Variants in ERAP2 observed in about 807,000 individuals in gnomAD.
ERAP2 encodes leukocyte-derived arginine aminopeptidase.
A neutral mutation model predicts 111.1 loss-of-function variants in ERAP2; 118 were observed. The observed-to-expected ratio is 1.06, with a 90% CI of 0.92 to 1.24. The LOEUF (loss-of-function observed/expected upper bound fraction) is 1.24, where lower values mean the gene tolerates loss of function less well. Ranked by LOEUF, ERAP2 falls within the 50% of genes most tolerant of loss-of-function variation. ERAP2 has a pLI of 0.00. For missense variants in ERAP2, 1,131 were observed against 1,125.8 expected, an observed-to-expected ratio of 1.00 and a Z score of -0.07; for synonymous variants, 410 against 401.2, an observed-to-expected ratio of 1.02 and a Z score of -0.26.
At chr5:96,915,030 G>A (rs747766026) in intron 17 of ERAP2, among the ~76,000 whole-genome samples, 58 of 150,482 alleles carry the variant, frequency 3.9e-4, no homozygotes, top group Middle Eastern at 3.5e-3. Flanking sequence ...TTTTTGAGAC[G>A]GAGTTTCATT....
Position 96,893,723 on chromosome 5 carries a change from T to C in ERAP2, c.1125+1270T>C, listed in dbSNP as rs59636548. 4.0e-3 allele frequency among the ~76,000 whole-genome samples: 604 copies of C among 152,308 alleles called. 5 individuals carry two copies. Among genetic ancestry groups the C allele is most frequent in the African/African-American group, 0.013 (558 of 41,560 alleles). On this transcript the variant is annotated intron_variant, in intron 6 of 18. Coordinates refer to ENST00000437043, the MANE Select transcript of ERAP2 (RefSeq NM_022350.5). ...TGCCCCCACTTTTTTGTCTTCCCAT[T>C]GATTACCATGTTAACATGTCACTCT...
Position 96,917,669 on chromosome 5 carries a change from G to A in ERAP2, c.*64G>A. The stretch of plus-strand genomic sequence containing the variant: ...CGCCTGTAATCCCAGCACTTTGGGA[G>A]GCTGAGAAGGGCGGATCACGAGGTC... On this transcript the variant is annotated 3_prime_UTR_variant, in exon 19 of 19. Coordinates refer to ENST00000437043, the MANE Select transcript of ERAP2 (RefSeq NM_022350.5). 3.8e-6 allele frequency: 5 copies of A among 1,328,970 alleles called. No homozygotes were observed. Among genetic ancestry groups the A allele is most frequent in the Non-Finnish European group, 4.1e-6 (4 of 968,168 alleles). The allele number at this position is 1,328,970 out of a possible 1,614,324, so 82.3% of individuals were successfully genotyped here. A position where few individuals can be genotyped will look rare whatever the true frequency, so the allele number is the denominator to read the frequency against.
Position 96,903,493 on chromosome 5 carries a change from C to A in ERAP2, c.1945C>A (p.Gln649Lys), listed in dbSNP as rs764140875. 1 of 1,614,042 alleles carries A rather than the reference C, an allele frequency of 6.2e-7. No homozygotes were observed. The highest frequency in any genetic ancestry group is 1.1e-5 in the South Asian group (1 of 91,074). ...GGACCAACTCATTACACAGCTGAAT[C>A]AGAACCACACACTTCTCAGACCTAA... The part of the protein sequence containing the change: ...GWDQLITQLN[Q>K]NHTLLRPKDR... The change falls in exon 13 of 19, where the codon CAG becomes AAG. Residue 649 changes from glutamine to lysine, a missense_variant. Physicochemically the swap from Gln to Lys is moderately conservative, Grantham distance 53. Transcript: ENST00000437043.
Position 96,883,858 on chromosome 5 carries a change from G to C in ERAP2, c.642G>C (p.Pro214=), listed in dbSNP as rs377453003. 5.0e-6 allele frequency: 8 copies of C among 1,613,704 alleles called. No homozygotes were observed. The highest frequency in any genetic ancestry group is 2.7e-5 in the African/African-American group (2 of 74,894). Residue 214 remains proline, a synonymous_variant, in exon 3 of 19, where the codon CCG becomes CCC. Coordinates refer to ENST00000437043, the MANE Select transcript of ERAP2 (RefSeq NM_022350.5). ...TGGCTTTCCCTTGCTTTGATGAACC[G>C]TTGTTCAAAGCCAACTTTTCAATCA... ...ARMAFPCFDE[P]LFKANFSIKI...
At chr5:96,913,485 G>A in intron 17 of ERAP2, 28 bp downstream of exon 17, 2 of 1,612,194 alleles carry the variant, frequency 1.2e-6, no homozygotes, top group Admixed American at 1.7e-5. Context: ...TCCAATGTTT[G>A]TTCTTCCATG....
rs36015159 is a variant in ERAP2, at chr5:96,917,905, CA to C, written c.*323del. 163 of 50,262 alleles carry C rather than the reference CA, an allele frequency of 3.2e-3. No individual in the cohort carries two copies. Among genetic ancestry groups the C allele is most frequent in the Middle Eastern group, 0.012 (1 of 82 alleles). The allele number at this position is 50,262 out of a possible 1,614,324, so 3.1% of individuals were successfully genotyped here. A position where few individuals can be genotyped will look rare whatever the true frequency, so the allele number is the denominator to read the frequency against. On this transcript the variant is annotated 3_prime_UTR_variant, in exon 19 of 19. Transcript: ENST00000437043. ...TGGGTGACTGAGCGAGACTCTGTCT[CA>C]AAAAAAAAAAAAAAAAAAAAAAGAA...
chr5:96,889,997 T>C (rs1784168244), intron 5 of ERAP2, among the ~76,000 whole-genome samples: 1 of 152,170 alleles, frequency 6.6e-6, no homozygotes, highest in African/African-American at 2.4e-5. Flanking sequence ...CCATCCGTTA[T>C]CTGTGTTGGG....
intron 7 of ERAP2, among the ~76,000 whole-genome samples, chr5:96,895,790 T>C (rs1445769474): frequency 6.6e-6 from 1 of 152,194 alleles, no homozygotes; most frequent in Admixed American, 6.6e-5. Context: ...TGAAGGGATT[T>C]CTTCAGGTAC....
intron 13 of ERAP2, among the ~76,000 whole-genome samples, chr5:96,905,447 T>G (rs1463442147): frequency 6.6e-6 from 1 of 152,242 alleles, no homozygotes; most frequent in Non-Finnish European, 1.5e-5. Flanking sequence ...TTATATTTAC[T>G]TATATTACAT....
intron 18 of ERAP2, among the ~76,000 whole-genome samples, chr5:96,916,360 T>C (rs1787383141): frequency 6.6e-6 from 1 of 152,122 alleles, no homozygotes; most frequent in Non-Finnish European, 1.5e-5. Context: ...TATTATTTCT[T>C]TCATATTGTA....
intron 18 of ERAP2, among the ~76,000 whole-genome samples, chr5:96,916,307 T>C (rs1787379712): frequency 6.6e-6 from 1 of 151,994 alleles, no homozygotes; most frequent in South Asian, 2.1e-4. Context: ...CGTGTATTCA[T>C]AGCATTCAAA....
intron 3 of ERAP2, among the ~76,000 whole-genome samples, chr5:96,886,301 A>G (rs1005963339): frequency 1.3e-5 from 2 of 152,208 alleles, no homozygotes; most frequent in Admixed American, 1.3e-4. Flanking sequence ...ATTATCTGGT[A>G]TTTTACTTAA....
chr5:96,881,185 T>C, intron 2 of ERAP2: 1 of 331,660 alleles, frequency 3.0e-6, no homozygotes. Flanking sequence ...CACTGGAGGA[T>C]TCTGCTCTGA....
intron 13 of ERAP2, among the ~76,000 whole-genome samples, chr5:96,908,225 G>A (rs998192305): frequency 2.6e-5 from 4 of 152,142 alleles, no homozygotes; most frequent in Non-Finnish European, 4.4e-5. Context: ...TCACAAGAAT[G>A]GCTTATAGAC....
At chr5:96,889,129 T>C (rs1784065578) in intron 4 of ERAP2, 56 bp from the exon 5 acceptor site, 3 of 1,605,442 alleles carry the variant, frequency 1.9e-6, no homozygotes, top group African/African-American at 1.3e-5. Flanking sequence ...TTATCAGGAA[T>C]GGAATTATGC....
chr5:96,919,129 T>C lies in ERAP2; in HGVS notation c.*1524T>C, dbSNP rs1157063620. Reference sequence around the variant, plus strand: ...ATTAAGGAAGACTTGGGATGTTGGGTCAAGAGGGGAAAGTGTTAGTCAATC... The same window carrying C: ...ATTAAGGAAGACTTGGGATGTTGGGCCAAGAGGGGAAAGTGTTAGTCAATC... On this transcript the variant is annotated 3_prime_UTR_variant, in exon 19 of 19. Transcript: ENST00000437043. 1 of 152,304 alleles carries C rather than the reference T, an allele frequency of 6.6e-6. No individual in the cohort carries two copies. The highest frequency in any genetic ancestry group is 1.9e-4 in the East Asian group (1 of 5,192). The allele number at this position is 152,304 out of a possible 1,614,324, so 9.4% of individuals were successfully genotyped here.
chr5:96,882,478 T>C (rs1581791052), intron 2 of ERAP2, among the ~76,000 whole-genome samples: 1 of 152,250 alleles, frequency 6.6e-6, no homozygotes, highest in Non-Finnish European at 1.5e-5. Context: ...ACAATGTCAA[T>C]TGAATCTTAT....
intron 13 of ERAP2, among the ~76,000 whole-genome samples, chr5:96,906,811 C>T (rs548002664): frequency 1.8e-4 from 27 of 152,318 alleles, no homozygotes; most frequent in African/African-American, 6.3e-4. Flanking sequence ...GCGGGTGGAT[C>T]ACCTGAGGTC....
chr5:96,910,774 T>A (rs1312260370), intron 15 of ERAP2, among the ~76,000 whole-genome samples: 2 of 152,234 alleles, frequency 1.3e-5, no homozygotes, highest in African/African-American at 4.8e-5. Flanking sequence ...TAGTATGAAT[T>A]TTAATGAAGA....
Sources: allele counts gnomAD v4.1 joint callset (sites outside exome capture counted in the v4.1 genomes callset), GRCh38; gene constraint gnomAD v4.1.1; transcripts MANE v1.5; gene names NCBI Gene and HGNC (gene_info 2026-07-23, HGNC 2026-07-21).